EBF1: variants seen among roughly 807,000 people sequenced by gnomAD.
EBF1 encodes the protein EBF transcription factor 1, also known as transcription factor COE1.
Under a neutral mutation model 68.4 loss-of-function variants are expected in EBF1, and 10 were observed. That is an observed-to-expected ratio of 0.15 (90% CI 0.09 to 0.25). EBF1 has a LOEUF of 0.25. EBF1 is among the 10% of genes least tolerant of loss of function. The pLI, the probability that EBF1 is intolerant of heterozygous loss-of-function variation, is 1.00. For missense variants in EBF1, 509 were observed against 794.4 expected (o/e 0.64, Z 4.32); for synonymous variants, 298 against 299.8 (o/e 0.99, Z 0.06).
chr5:158,894,888 C>T (rs918965539), intron 6 of EBF1, among the ~76,000 whole-genome samples: 67 of 152,170 alleles, frequency 4.4e-4, no homozygotes, highest in African/African-American at 1.4e-3. Context: ...ATCTGGTTTC[C>T]TTTAAGAAGC....
intron 6 of EBF1, among the ~76,000 whole-genome samples, chr5:159,021,431 C>A (rs1479971763): frequency 2.6e-5 from 4 of 152,220 alleles, no homozygotes; most frequent in Non-Finnish European, 1.5e-5. Context: ...GCCCTAAATT[C>A]TGCCAAGTTC....
intron 6 of EBF1, among the ~76,000 whole-genome samples, chr5:158,973,814 AG>A (rs1271312311): frequency 3.3e-5 from 5 of 152,204 alleles, no homozygotes; most frequent in Non-Finnish European, 7.3e-5. Flanking sequence ...TCCTAGTAGT[AG>A]TAGTGGTAGT....
At chr5:158,739,793 TC>T (rs983197127) in intron 10 of EBF1, among the ~76,000 whole-genome samples, 4 of 152,194 alleles carry the variant, frequency 2.6e-5, no homozygotes, top group African/African-American at 9.6e-5. Flanking sequence ...TTAGCTGTTA[TC>T]AAGGGGGTAA....
chr5:158,704,189 C>A (rs1387591449), intron 15 of EBF1, among the ~76,000 whole-genome samples: 1 of 152,142 alleles, frequency 6.6e-6, no homozygotes, highest in Non-Finnish European at 1.5e-5. Context: ...TGGTTGGGAG[C>A]CAGGCTGGGA....
chr5:158,749,827 T>A (rs1401301172), intron 10 of EBF1, among the ~76,000 whole-genome samples: 1 of 152,130 alleles, frequency 6.6e-6, no homozygotes, highest in Non-Finnish European at 1.5e-5. Context: ...TTCATTAGCC[T>A]GCTAGAATAT....
intron 6 of EBF1, among the ~76,000 whole-genome samples, chr5:158,846,478 C>A (rs1489135624): frequency 6.6e-6 from 1 of 152,186 alleles, no homozygotes; most frequent in Non-Finnish European, 1.5e-5. Flanking sequence ...ACCCAGCCCA[C>A]CTGAGCTGCC....
chr5:158,958,327 G>A (rs537006841), intron 6 of EBF1, among the ~76,000 whole-genome samples: 19 of 152,128 alleles, frequency 1.2e-4, no homozygotes, highest in Non-Finnish European at 2.1e-4. Flanking sequence ...CCTGTCAGAA[G>A]GTTGTGACCC....
chr5:158,960,966 T>C (rs1169549955), intron 6 of EBF1, among the ~76,000 whole-genome samples: 2 of 152,050 alleles, frequency 1.3e-5, no homozygotes, highest in Non-Finnish European at 2.9e-5. Flanking sequence ...AGACAATAAA[T>C]GTTTATTTTT....
At chr5:158,951,227 C>G (rs1378949270) in intron 6 of EBF1, among the ~76,000 whole-genome samples, 2 of 152,160 alleles carry the variant, frequency 1.3e-5, no homozygotes, top group East Asian at 3.8e-4. Flanking sequence ...ACACTTTTGG[C>G]TGGGTGGGCC....
At chr5:158,720,316 T>C (rs1761666514) in intron 11 of EBF1, among the ~76,000 whole-genome samples, 1 of 152,176 alleles carries the variant, frequency 6.6e-6, no homozygotes, top group Admixed American at 6.5e-5. Flanking sequence ...GAGAAATTGA[T>C]TGGAAGTTTC....
At chr5:158,945,576 C>A (rs1814476977) in intron 6 of EBF1, among the ~76,000 whole-genome samples, 1 of 152,188 alleles carries the variant, frequency 6.6e-6, no homozygotes, top group Non-Finnish European at 1.5e-5. Flanking sequence ...TGTGGGTAAC[C>A]CAACCTTTCT....
chr5:159,084,490 T>A lies in EBF1; in HGVS notation c.485+176A>T, dbSNP rs111939987. 7.8e-4 allele frequency among the ~76,000 whole-genome samples: 118 copies of A among 151,982 alleles called. 1 individual carries two copies. Among genetic ancestry groups the A allele is most frequent in the Middle Eastern group, 3.4e-3 (1 of 292 alleles). ...TCTAATAAATAATTAAGAACTACTG[T>A]GATGCCTGACACTTTACTACCAAAT... On this transcript the variant is annotated intron_variant, in intron 5 of 15. Transcript: ENST00000313708.
chr5:158,940,165 A>G (rs546794002), intron 6 of EBF1, among the ~76,000 whole-genome samples: 2 of 152,318 alleles, frequency 1.3e-5, no homozygotes, highest in South Asian at 4.1e-4. Flanking sequence ...TAGTAAGAGA[A>G]CCACAAAGCA....
chr5:158,858,589 G>A (rs1231888254), intron 6 of EBF1, among the ~76,000 whole-genome samples: 1 of 152,032 alleles, frequency 6.6e-6, no homozygotes, highest in Non-Finnish European at 1.5e-5. Flanking sequence ...ACATGCACTG[G>A]GACACTTCCC....
At chr5:158,972,867 C>A (rs1216328646) in intron 6 of EBF1, among the ~76,000 whole-genome samples, 1 of 152,222 alleles carries the variant, frequency 6.6e-6, no homozygotes, top group African/African-American at 2.4e-5. Flanking sequence ...ACACTCCCTG[C>A]AGGGCCTCAC....
intron 6 of EBF1, among the ~76,000 whole-genome samples, chr5:159,026,746 G>GATAGTTGAT (rs1308840554): frequency 6.6e-6 from 1 of 152,138 alleles, no homozygotes; most frequent in Admixed American, 6.5e-5. Context: ...CAGATCAGCA[G>GATAGTTGAT]ATAGTTGATC....
intron 6 of EBF1, among the ~76,000 whole-genome samples, chr5:159,001,339 C>A (rs1358207514): frequency 1.3e-5 from 2 of 152,114 alleles, no homozygotes; most frequent in African/African-American, 4.8e-5. Flanking sequence ...CACAAAATTT[C>A]TTTAAATCTT....
intron 6 of EBF1, among the ~76,000 whole-genome samples, chr5:159,067,918 G>C (rs1584393785): frequency 6.6e-6 from 1 of 152,148 alleles, no homozygotes; most frequent in South Asian, 2.1e-4. Context: ...ATTTTAGAGA[G>C]TGAATTCCTC....
chr5:158,870,540 G>T (rs1796696927), intron 6 of EBF1, among the ~76,000 whole-genome samples: 1 of 152,092 alleles, frequency 6.6e-6, no homozygotes, highest in South Asian at 2.1e-4. Context: ...GCTGGGCACT[G>T]TGGTACTCAC....
Sources: allele counts gnomAD v4.1 joint callset (sites outside exome capture counted in the v4.1 genomes callset), GRCh38; gene constraint gnomAD v4.1.1; transcripts MANE v1.5; gene names NCBI Gene and HGNC (gene_info 2026-07-23, HGNC 2026-07-21).